Variants in RIMS2 observed in about 807,000 individuals in gnomAD.
The protein encoded by RIMS2 is regulating synaptic membrane exocytosis protein 2.
In RIMS2, 59 loss-of-function variants were observed where a neutral mutation model predicts 174.4. The observed-to-expected ratio is 0.34, with a 90% CI of 0.27 to 0.42. RIMS2 has a LOEUF of 0.42. Among genes scored for constraint, RIMS2 ranks in the 10% least tolerant of loss-of-function variants. The pLI, the probability that RIMS2 is intolerant of heterozygous loss-of-function variation, is 1.00. For missense variants in RIMS2, 1,620 were observed against 1,666.3 expected, an observed-to-expected ratio of 0.97 and a Z score of 0.48; for synonymous variants, 606 against 572.5, an observed-to-expected ratio of 1.06 and a Z score of -0.84.
chr8:104,167,246 A>G (rs957953503), intron 19 of RIMS2, among the ~76,000 whole-genome samples: 4 of 152,160 alleles, frequency 2.6e-5, no homozygotes, highest in Non-Finnish European at 5.9e-5. Flanking sequence ...AGCAGTGTAA[A>G]CAGAGTTTCT....
chr8:103,774,490 T>A (rs1244071512), intron 3 of RIMS2, among the ~76,000 whole-genome samples: 1 of 152,216 alleles, frequency 6.6e-6, no homozygotes, highest in Admixed American at 6.5e-5. Flanking sequence ...CAAATAAGTG[T>A]ATTACTTATC....
chr8:103,970,355 G>T (rs963266968), intron 15 of RIMS2, among the ~76,000 whole-genome samples: 1 of 152,176 alleles, frequency 6.6e-6, no homozygotes, highest in Non-Finnish European at 1.5e-5. Flanking sequence ...CTCCCAGATT[G>T]GTTAGGCTTT....
chr8:104,255,416 T>G (rs2099366384), downstream of RIMS2: 1 of 152,150 alleles, frequency 6.6e-6, no homozygotes, highest in Admixed American at 6.6e-5. Context: ...TTATGTGCCC[T>G]CTCCTGAAAA....
At chr8:104,204,379 T>C (rs866445115) in intron 19 of RIMS2, among the ~76,000 whole-genome samples, 5 of 152,220 alleles carry the variant, frequency 3.3e-5, no homozygotes, top group Middle Eastern at 3.2e-3. Flanking sequence ...AGATGGCTGC[T>C]TTGCCAAGCT....
intron 3 of RIMS2, among the ~76,000 whole-genome samples, chr8:103,867,055 A>T (rs1043959636): frequency 6.6e-6 from 1 of 151,980 alleles, no homozygotes; most frequent in Non-Finnish European, 1.5e-5. Context: ...TATAATCCTT[A>T]CTAAATGTTT....
chr8:103,515,149 A>G (rs1250243342), intron 1 of RIMS2, among the ~76,000 whole-genome samples: 1 of 152,164 alleles, frequency 6.6e-6, no homozygotes, highest in Non-Finnish European at 1.5e-5. Flanking sequence ...GAACTTTAAA[A>G]ACAATATCAA....
At chr8:103,972,238 C>G (rs888068426) in intron 15 of RIMS2, among the ~76,000 whole-genome samples, 1 of 152,130 alleles carries the variant, frequency 6.6e-6, no homozygotes, top group African/African-American at 2.4e-5. Flanking sequence ...TCTTTTCCAC[C>G]AAACCATGTC....
At chr8:104,097,254 A>G (rs1268332945) in intron 19 of RIMS2, among the ~76,000 whole-genome samples, 1 of 152,170 alleles carries the variant, frequency 6.6e-6, no homozygotes, top group East Asian at 1.9e-4. Context: ...GTAAACACTA[A>G]ATTCATTTAT....
intron 1 of RIMS2, among the ~76,000 whole-genome samples, chr8:103,532,025 T>C (rs1464521665): frequency 6.6e-6 from 1 of 152,224 alleles, no homozygotes; most frequent in Admixed American, 6.5e-5. Flanking sequence ...AATGCAGATA[T>C]AACTATTGTG....
At chr8:104,228,241 G>A (rs1015073505) in intron 19 of RIMS2, among the ~76,000 whole-genome samples, 1 of 151,834 alleles carries the variant, frequency 6.6e-6, no homozygotes, top group Non-Finnish European at 1.5e-5. Context: ...TGTTAGCCAG[G>A]GTGGTCTCAA....
chr8:103,665,791 A>C (rs983626675), intron 1 of RIMS2, among the ~76,000 whole-genome samples: 1 of 151,960 alleles, frequency 6.6e-6, no homozygotes, highest in South Asian at 2.1e-4. Context: ...ATGTGAAAAA[A>C]TGTAAGCCTG....
intron 19 of RIMS2, among the ~76,000 whole-genome samples, chr8:104,131,219 T>C (rs957671836): frequency 1.3e-5 from 2 of 152,194 alleles, no homozygotes; most frequent in African/African-American, 2.4e-5. Flanking sequence ...TAGATTATTA[T>C]GTAAGTGGTA....
intron 19 of RIMS2, among the ~76,000 whole-genome samples, chr8:104,146,489 T>C (rs547720910): frequency 6.6e-6 from 1 of 152,202 alleles, no homozygotes; most frequent in Admixed American, 6.5e-5. Flanking sequence ...CATTAAAATA[T>C]TGTTTATCTG....
intron 19 of RIMS2, among the ~76,000 whole-genome samples, chr8:104,240,046 C>T (rs980086545): frequency 6.6e-6 from 1 of 152,184 alleles, no homozygotes; most frequent in African/African-American, 2.4e-5. Flanking sequence ...CCATGTGGCC[C>T]CTTCCCTCTT....
intron 1 of RIMS2, among the ~76,000 whole-genome samples, chr8:103,579,290 GAC>G (rs756018657): frequency 6.3e-5 from 8 of 126,952 alleles, no homozygotes; most frequent in Admixed American, 1.5e-4. Context: ...CACACACACA[GAC>G]ACACACACAC....
At chr8:104,224,397 C>T (rs1332442202) in intron 19 of RIMS2, among the ~76,000 whole-genome samples, 3 of 152,154 alleles carry the variant, frequency 2.0e-5, no homozygotes, top group Non-Finnish European at 4.4e-5. Flanking sequence ...AAACTTTTCA[C>T]CAGTTGATTT....
chr8:104,159,056 T>G (rs2098743827), intron 19 of RIMS2, among the ~76,000 whole-genome samples: 1 of 152,184 alleles, frequency 6.6e-6, no homozygotes, highest in Non-Finnish European at 1.5e-5. Flanking sequence ...CTAATCCATC[T>G]TGAGTTAATT....
chr8:103,737,863 C>A (rs1020306226), intron 2 of RIMS2, among the ~76,000 whole-genome samples: 2 of 152,168 alleles, frequency 1.3e-5, no homozygotes, highest in African/African-American at 4.8e-5. Context: ...TCTAACTACC[C>A]TCTGTAGGGT....
At chr8:103,951,540 C>G (rs2085361034) in intron 14 of RIMS2, among the ~76,000 whole-genome samples, 1 of 152,140 alleles carries the variant, frequency 6.6e-6, no homozygotes, top group South Asian at 2.1e-4. Context: ...CAAGGGAACC[C>G]ATTAGGGACT....
Sources: gnomAD v4.1 joint callset for allele counts (sites outside exome capture counted in the v4.1 genomes callset) on GRCh38, gnomAD v4.1.1 for gene constraint, MANE v1.5 for transcripts, NCBI Gene and HGNC (gene_info 2026-07-23, HGNC 2026-07-21) for gene names.